Variants in DNAJC11 observed in about 807,000 individuals in gnomAD.
DNAJC11 encodes the protein DnaJ heat shock protein family (Hsp40) member C11, also known as dnaJ homolog subfamily C member 11.
Under a neutral mutation model 78.6 loss-of-function variants are expected in DNAJC11, and 15 were observed. That is an observed-to-expected ratio of 0.19 (90% CI 0.13 to 0.29). The LOEUF (loss-of-function observed/expected upper bound fraction) is 0.29, where lower values mean the gene tolerates loss of function less well. Ranked by LOEUF, DNAJC11 falls within the 10% of genes least tolerant of loss-of-function variation. DNAJC11 has a pLI of 1.00. For synonymous variants in DNAJC11, 292 were observed against 272.1 expected, an observed-to-expected ratio of 1.07 and a Z score of -0.72; for missense variants, 547 against 709.6, an observed-to-expected ratio of 0.77 and a Z score of 2.60.
Position 6,635,002 on chromosome 1 carries a change from C to G in DNAJC11, c.*673G>C. 1 of 588,072 alleles carries G rather than the reference C, an allele frequency of 1.7e-6. No individual in the cohort carries two copies. Among genetic ancestry groups the G allele is most frequent in the South Asian group, 2.4e-5 (1 of 41,342 alleles). 36.4% of individuals were successfully genotyped at this position (588,072 alleles called of 1,614,324 possible). A position where few individuals can be genotyped will look rare whatever the true frequency, so the allele number is the denominator to read the frequency against. On this transcript the variant is annotated 3_prime_UTR_variant, in exon 16 of 16. Coordinates refer to ENST00000377577, the MANE Select transcript of DNAJC11 (RefSeq NM_018198.4). ...ATACGGGAAGCCACCTGTGTCAGGG[C>G]TAGGCCCTGGGATCGGGAGTTACAC...
rs112447167 is a variant in DNAJC11, at chr1:6,641,537, A to ATT, written c.1098-1482_1098-1481dup. Among the ~76,000 whole-genome samples, 3 of 144,186 alleles carry ATT rather than the reference A, an allele frequency of 2.1e-5. No individual in the cohort carries two copies. The South Asian group carries it at 6.6e-4, about 32-fold the overall frequency. The allele number at this position is 144,186 out of a possible 152,430, so 94.6% of individuals were successfully genotyped here. On this transcript the variant is annotated intron_variant, in intron 10 of 15. Coordinates refer to ENST00000377577, the MANE Select transcript of DNAJC11 (RefSeq NM_018198.4). ...AGATAAGGTAGACTTCAAGACAAAA[A>ATT]TTTTTTTTTTTTTTTGAAGTGACAG...
At chr1:6,651,876 G>C (rs902712609) in intron 6 of DNAJC11, among the ~76,000 whole-genome samples, 1 of 152,170 alleles carries the variant, frequency 6.6e-6, no homozygotes, top group African/African-American at 2.4e-5. Context: ...TCTGTTCCTT[G>C]CCTCCCAGGC....
In DNAJC11 at chr1:6,653,003, A is replaced by G. The variant is rs773415665; in HGVS notation, c.508-52T>C. ...ATGAATCAAAACAACAGGAAGTGCC[A>G]ATGGCAGCAGCCTAAAGAACGCACT... On this transcript the variant is annotated intron_variant, in intron 5 of 15. Coordinates refer to ENST00000377577, the MANE Select transcript of DNAJC11 (RefSeq NM_018198.4). This position sits in a 1 kb window ranked among gnomAD's most constrained non-coding sequence, Gnocchi z 4.5. 6.2e-7 allele frequency: 1 copy of G among 1,611,014 alleles called. No individual in the cohort carries two copies. The highest frequency in any genetic ancestry group is 8.5e-7 in the Non-Finnish European group (1 of 1,177,934).
chr1:6,683,413 T>C (rs1642585618), intron 1 of DNAJC11, among the ~76,000 whole-genome samples: 1 of 152,206 alleles, frequency 6.6e-6, no homozygotes, highest in South Asian at 2.1e-4. Context: ...AGTGTGAGAA[T>C]GAAACCAGAC....
At position 6,680,124 on chromosome 1, in the gene DNAJC11, C is replaced by T. The variant is rs981906257; in HGVS notation, c.202+784G>A. Among the ~76,000 whole-genome samples, 3 of 152,154 alleles carry T rather than the reference C, an allele frequency of 2.0e-5. No individual in the cohort carries two copies. In the South Asian group the frequency reaches 6.2e-4, roughly 32 times the overall value. ...ATTTTTGGTCTAAGGAGCAAATCAC[C>T]AGATGGTTCTGGAACAAATAACTTA... On this transcript the variant is annotated intron_variant, in intron 2 of 15. Transcript: ENST00000377577. This position sits in a 1 kb window ranked among gnomAD's most constrained non-coding sequence, Gnocchi z 4.0.
intron 11 of DNAJC11, among the ~76,000 whole-genome samples, chr1:6,639,328 CTT>C (rs869051941): frequency 1.3e-4 from 18 of 136,780 alleles, no homozygotes; most frequent in Non-Finnish European, 7.9e-5. Context: ...AGGATCAACA[CTT>C]TTTTTTTTTT....
chr1:6,650,239 G>A (rs1642034273), intron 7 of DNAJC11, among the ~76,000 whole-genome samples: 3 of 151,594 alleles, frequency 2.0e-5, no homozygotes, highest in Admixed American at 2.0e-4. Context: ...CTCCAGCCGG[G>A]GTGACAAAGT....
At chr1:6,687,354 C>CTTTTT (rs70981400) in intron 1 of DNAJC11, among the ~76,000 whole-genome samples, 3 of 119,040 alleles carry the variant, frequency 2.5e-5, no homozygotes, top group African/African-American at 6.3e-5. Flanking sequence ...AATACAGTCC[C>CTTTTT]TTTTTTTTTT....
At chr1:6,672,454 T>C (rs1642394868) in intron 3 of DNAJC11, among the ~76,000 whole-genome samples, 2 of 152,226 alleles carry the variant, frequency 1.3e-5, no homozygotes, top group Admixed American at 6.5e-5. Flanking sequence ...CAGCTGAAAA[T>C]TACTTTCTCT....
chr1:6,638,341 C>T lies in DNAJC11; in HGVS notation c.1277G>A (p.Ser426Asn), dbSNP rs773296928. The T allele has an allele frequency of 4.3e-6, 7 of 1,613,658 alleles. No individual in the cohort carries two copies. In the South Asian group the frequency reaches 7.7e-5, roughly 18 times the overall value. ...CTTCTGCAGCACATCGGTGGCGGCG[C>T]TTTCCCTCTGCTTCTCCAATTCCCT... ...KEKELEKQRE[S>N]AATDVLQKKQ... Residue 426 changes from serine (S) to asparagine (N), a missense_variant, in exon 12 of 16, where the codon AGC (serine) becomes AAC (asparagine). By Grantham distance (46) the Ser-to-Asn change is conservative (BLOSUM62 1). Coordinates refer to ENST00000377577, the MANE Select transcript of DNAJC11 (RefSeq NM_018198.4).
chr1:6,683,138 CTT>C (rs1169979507), intron 1 of DNAJC11, among the ~76,000 whole-genome samples: 2 of 152,214 alleles, frequency 1.3e-5, no homozygotes, highest in East Asian at 3.8e-4. Context: ...CGGCAAATCT[CTT>C]TCTCCCATCT....
chr1:6,645,087 G>A lies in DNAJC11; in HGVS notation c.934C>T (p.His312Tyr), dbSNP rs779551891. 1 of 1,613,924 alleles carries A rather than the reference G, an allele frequency of 6.2e-7. No individual in the cohort carries two copies. Among genetic ancestry groups the A allele is most frequent in the Non-Finnish European group, 8.5e-7 (1 of 1,179,970 alleles). ...GTCTGATCGTCATCTTGGAATTTGT[G>A]CTGATAGCTGATCAGTGCAAAGGAG... ...PHSFALISYQHKFQDDDQTRV... is the reference protein window; with the variant it reads ...PHSFALISYQYKFQDDDQTRV... Residue 312 changes from histidine (H) to tyrosine (Y), a missense_variant, in exon 9 of 16, where the codon CAC becomes TAC. Coordinates refer to ENST00000377577, the MANE Select transcript of DNAJC11 (RefSeq NM_018198.4). This position sits in a 1 kb window ranked among gnomAD's most constrained non-coding sequence, Gnocchi z 4.1.
In DNAJC11 at chr1:6,634,189, T is replaced by C. The variant is rs543786044; in HGVS notation, c.*1486A>G. ...AGCCTCTGCTTTCAGGAAAGGTTTA[T>C]TGTGGTGAGTGCCTTCTGTACAGTC... is the stretch of plus-strand genomic sequence containing the variant. On this transcript the variant is annotated 3_prime_UTR_variant, in exon 16 of 16. Transcript: ENST00000377577. The C allele has an allele frequency of 2.4e-4, 277 of 1,137,220 alleles. No individual in the cohort carries two copies. The African/African-American group carries it at 3.7e-3, about 15-fold the overall frequency. The allele number at this position is 1,137,220 out of a possible 1,614,324, so 70.4% of individuals were successfully genotyped here. A position where few individuals can be genotyped will look rare whatever the true frequency, so the allele number is the denominator to read the frequency against.
At chr1:6,658,287 A>T (rs553327148) in intron 4 of DNAJC11, among the ~76,000 whole-genome samples, 1 of 152,370 alleles carries the variant, frequency 6.6e-6, no homozygotes, top group East Asian at 1.9e-4. Flanking sequence ...TGACAGATTT[A>T]CAGAAAACTA....
intron 10 of DNAJC11, 92 bp from the exon 11 acceptor site, chr1:6,640,149 C>A: frequency 1.4e-6 from 2 of 1,431,744 alleles, no homozygotes; most frequent in South Asian, 1.5e-5. Context: ...AGGAAGAGAA[C>A]TTGTGCTGCG....
intron 10 of DNAJC11, among the ~76,000 whole-genome samples, chr1:6,641,315 G>A (rs1641871398): frequency 6.6e-6 from 1 of 151,268 alleles, no homozygotes; most frequent in African/African-American, 2.4e-5. Flanking sequence ...GAACCTGGGA[G>A]GTGGAGGTTG....
intron 14 of DNAJC11, 104 bp from the exon 15 acceptor site, chr1:6,636,350 T>G: frequency 6.8e-7 from 1 of 1,470,682 alleles, no homozygotes; most frequent in Admixed American, 2.3e-5. Context: ...TGACATTCCC[T>G]GGGGAGATGC....
chr1:6,644,504 G>A (rs773819997), intron 10 of DNAJC11, 54 bp downstream of exon 10: 3 of 1,269,596 alleles, frequency 2.4e-6, no homozygotes, highest in Non-Finnish European at 3.5e-6. Context: ...GTAAAGCCTG[G>A]TTGAGTGAAG....
intron 1 of DNAJC11, among the ~76,000 whole-genome samples, chr1:6,688,205 T>G (rs2147883257): frequency 6.6e-6 from 1 of 152,330 alleles, no homozygotes; most frequent in South Asian, 2.1e-4. Flanking sequence ...AGTCCTGGAC[T>G]GAGTCTCCAT....
Sources: allele counts gnomAD v4.1 joint callset (sites outside exome capture counted in the v4.1 genomes callset), GRCh38; gene constraint gnomAD v4.1.1; non-coding constraint Gnocchi (gnomAD v3.1); transcripts MANE v1.5; gene names NCBI Gene and HGNC (gene_info 2026-07-23, HGNC 2026-07-21).